Variants in VRTN observed in about 807,000 individuals in gnomAD.
The protein encoded by VRTN is vertebrae development associated, also known as vertnin.
VRTN carries 5 observed loss-of-function variants against 18.2 expected under a neutral mutation model. The ratio of observed to expected loss-of-function variants is 0.27; its 90% CI spans 0.14 to 0.58. The LOEUF (loss-of-function observed/expected upper bound fraction) is 0.58. VRTN is among the 20% of genes least tolerant of loss of function. The pLI is 0.91. For synonymous variants in VRTN, 381 were observed against 393.7 expected, an observed-to-expected ratio of 0.97 and a Z score of 0.38; for missense variants, 741 against 939.4, an observed-to-expected ratio of 0.79 and a Z score of 2.76.
intron 1 of VRTN, among the ~76,000 whole-genome samples, chr14:74,316,996 A>G (rs138247444): frequency 5.5e-4 from 83 of 152,272 alleles, no homozygotes; most frequent in African/African-American, 2.0e-3. Flanking sequence ...CCAGAGTGCA[A>G]TGAACAAGGG....
chr14:74,341,966 G>A (rs759122003), intron 2 of VRTN, among the ~76,000 whole-genome samples: 1 of 144,094 alleles, frequency 6.9e-6, no homozygotes, highest in Non-Finnish European at 1.5e-5. Flanking sequence ...TTTGGTGTTT[G>A]AACACCTTAA....
At chr14:74,340,591 T>C (rs2085598591) in intron 2 of VRTN, among the ~76,000 whole-genome samples, 1 of 152,118 alleles carries the variant, frequency 6.6e-6, no homozygotes, top group African/African-American at 2.4e-5. Flanking sequence ...AGTCTAGAGT[T>C]CAGTCTGTAG....
chr14:74,307,739 TC>T (rs2140190432), intron 1 of VRTN, among the ~76,000 whole-genome samples: 1 of 152,222 alleles, frequency 6.6e-6, no homozygotes, highest in South Asian at 2.1e-4. Flanking sequence ...AATTTTTTTT[TC>T]TTTTTTTTGA....
chr14:74,303,396 A>G (rs1163850378), intron 1 of VRTN, among the ~76,000 whole-genome samples: 2 of 152,028 alleles, frequency 1.3e-5, no homozygotes, highest in African/African-American at 2.4e-5. Flanking sequence ...ACAAAAGACA[A>G]AAGCATTAGC....
At chr14:74,315,093 G>T (rs2085411552) in intron 1 of VRTN, among the ~76,000 whole-genome samples, 1 of 152,198 alleles carries the variant, frequency 6.6e-6, no homozygotes, top group Admixed American at 6.5e-5. Context: ...AGAGAAGAAA[G>T]AGACTTTGCT....
intron 1 of VRTN, among the ~76,000 whole-genome samples, chr14:74,308,706 G>A (rs1381244113): frequency 1.3e-5 from 2 of 151,910 alleles, no homozygotes; most frequent in African/African-American, 4.8e-5. Flanking sequence ...AGTAGAGATG[G>A]GGTTTTGCCA....
Position 74,350,494 on chromosome 14 carries a change from G to A in VRTN, c.-2+1842G>A, listed in dbSNP as rs570215482. ...GACACTGCTGCATGAATTCAGGCAA[G>A]TCGACTCTACCTTTGTGGACCTCAA... On this transcript the variant is annotated intron_variant, in intron 1 of 1. Coordinates refer to ENST00000256362, the MANE Select transcript of VRTN (RefSeq NM_018228.3). Among the ~76,000 whole-genome samples, 4 of 152,260 alleles carry A rather than the reference G, an allele frequency of 2.6e-5. No homozygotes were observed. The East Asian group carries it at 7.7e-4, about 29-fold the overall frequency.
chr14:74,312,642 G>A (rs1295241489), intron 1 of VRTN, among the ~76,000 whole-genome samples: 1 of 151,922 alleles, frequency 6.6e-6, no homozygotes, highest in Non-Finnish European at 1.5e-5. Context: ...GTAGAGACGG[G>A]GTTTCACCAT....
intron 1 of VRTN, among the ~76,000 whole-genome samples, chr14:74,304,008 C>T (rs984650755): frequency 2.7e-5 from 4 of 147,604 alleles, no homozygotes; most frequent in African/African-American, 7.5e-5. Flanking sequence ...TGTGCCACCA[C>T]GCCCAGCTAA....
rs1428617630 is a variant in VRTN, at chr14:74,343,000, A to ACTAG, written c.-2+5119_-2+5120insGCTA. ...AAACTATACTGAGAAAAACAAAAAA[A>ACTAG]CTATACTGAGGGAATAATTTTTCAC... On this transcript the variant is annotated intron_variant, in intron 2 of 2. Transcript: ENST00000557177. 3.3e-5 allele frequency among the ~76,000 whole-genome samples: 5 copies of ACTAG among 152,320 alleles called. No homozygotes were observed. The South Asian group carries it at 6.2e-4, about 19-fold the overall frequency.
At position 74,334,090 on chromosome 14, in the gene VRTN, T is replaced by C. The variant is rs144531317; in HGVS notation, c.-163-3633T>C. ...TAAGTGGCTCACCCAGGCAATGTGG[T>C]TCCAGAAGCTACGCTCATTACTAAA... On this transcript the variant is annotated intron_variant, in intron 1 of 2. Transcript: ENST00000557177. Among the ~76,000 whole-genome samples the C allele has an allele frequency of 3.5e-3, 531 of 152,300 alleles. 2 individuals carry two copies. Among genetic ancestry groups the C allele is most frequent in the African/African-American group, 0.012 (513 of 41,582 alleles).
At chr14:74,305,135 C>T (rs2085338178) in intron 1 of VRTN, among the ~76,000 whole-genome samples, 1 of 152,108 alleles carries the variant, frequency 6.6e-6, no homozygotes, top group Admixed American at 6.5e-5. Flanking sequence ...AGTTCAAGAC[C>T]AGCCTGGCCA....
At chr14:74,307,791 C>T (rs1253163863) in intron 1 of VRTN, among the ~76,000 whole-genome samples, 3 of 151,738 alleles carry the variant, frequency 2.0e-5, no homozygotes, top group Admixed American at 6.6e-5. Flanking sequence ...AGTGCAGTGG[C>T]GCGATCTTGG....
intron 1 of VRTN, among the ~76,000 whole-genome samples, chr14:74,354,483 C>A (rs1340605709): frequency 1.3e-5 from 2 of 151,626 alleles, no homozygotes; most frequent in Non-Finnish European, 2.9e-5. Flanking sequence ...TGGCTCACTG[C>A]AGCCTCTGCC....
At position 74,357,309 on chromosome 14, in the gene VRTN, T is replaced by C; in HGVS notation, c.526T>C (p.Leu176=). Reference sequence around the variant, plus strand: ...CAGCAGCTTCTCCAACGTGTGGCACTTGTATGCTCTCGCCTCTGTCCTCCA... The same window carrying C: ...CAGCAGCTTCTCCAACGTGTGGCACCTGTATGCTCTCGCCTCTGTCCTCCA... ...FPSSFSNVWH[L]YALASVLQRN... is the part of the protein sequence containing the mutation. Residue 176 remains leucine, a synonymous_variant, in exon 2 of 2, where the codon TTG becomes CTG. Transcript: ENST00000256362. This position sits in a 1 kb window ranked among gnomAD's most constrained non-coding sequence, Gnocchi z 7.8. 1.2e-6 allele frequency: 2 copies of C among 1,613,560 alleles called. No homozygotes were observed. The highest frequency in any genetic ancestry group is 1.7e-6 in the Non-Finnish European group (2 of 1,179,506).
intron 2 of VRTN, among the ~76,000 whole-genome samples, chr14:74,340,358 C>G (rs1320663326): frequency 6.6e-6 from 1 of 151,984 alleles, no homozygotes; most frequent in African/African-American, 2.4e-5. Flanking sequence ...GTGATCCACC[C>G]ACCTCGGCCT....
At chr14:74,329,242 T>G (rs2085506427) in intron 1 of VRTN, among the ~76,000 whole-genome samples, 1 of 148,694 alleles carries the variant, frequency 6.7e-6, no homozygotes, top group Non-Finnish European at 1.5e-5. Context: ...GCCACTGCAC[T>G]CCAGCCTGGG....
upstream of VRTN, among the ~76,000 whole-genome samples, chr14:74,345,769 C>T (rs967614848): frequency 2.7e-5 from 4 of 150,610 alleles, no homozygotes; most frequent in African/African-American, 9.7e-5. Context: ...ACTAAAAATA[C>T]AAAAATTAGC....
chr14:74,312,899 C>T (rs986025023), intron 1 of VRTN, among the ~76,000 whole-genome samples: 14 of 152,012 alleles, frequency 9.2e-5, no homozygotes, highest in Admixed American at 2.6e-4. Flanking sequence ...CACTCCACCA[C>T]GCCTGGCTAA....
Sources: allele counts gnomAD v4.1 joint callset (sites outside exome capture counted in the v4.1 genomes callset), GRCh38; gene constraint gnomAD v4.1.1; non-coding constraint Gnocchi (gnomAD v3.1); transcripts MANE v1.5; gene names NCBI Gene and HGNC (gene_info 2026-07-23, HGNC 2026-07-21).